The following MGAM variants were observed in gnomAD, a reference collection of about 807,000 sequenced individuals.
The protein encoded by MGAM is maltase-glucoamylase, also known as alpha-1,4-glucosidase.
Under a neutral mutation model 358.8 loss-of-function variants are expected in MGAM, and 253 were observed. That is an observed-to-expected ratio of 0.71 (90% CI 0.64 to 0.78). The LOEUF (loss-of-function observed/expected upper bound fraction) is 0.78. Among genes scored for constraint, MGAM ranks in the 30% least tolerant of loss-of-function variants. MGAM has a pLI of 0.00. For missense variants in MGAM, 3,080 were observed against 3,432.6 expected (o/e 0.90, Z 2.57); for synonymous variants, 1,105 against 1,227.1 (o/e 0.90, Z 2.08).
chr7:142,057,459 C>G lies in MGAM; in HGVS notation c.3693+517C>G, dbSNP rs980364227. The stretch of plus-strand genomic sequence containing the variant: ...ATGGTGGTGGTGGTAGTGGTGGTGA[C>G]AGTGAGGTGGTGTGAGGAGTGTGAT... On this transcript the variant is annotated intron_variant, in intron 30 of 70. Coordinates refer to ENST00000475668, the MANE Select transcript of MGAM (RefSeq NM_001365693.1). Among the ~76,000 whole-genome samples the G allele has an allele frequency of 5.3e-5, 7 of 131,420 alleles. No homozygotes were observed. The South Asian group carries it at 1.9e-3, about 35-fold the overall frequency. The allele number at this position is 131,420 out of a possible 152,430, so 86.2% of individuals were successfully genotyped here. A position where few individuals can be genotyped will look rare whatever the true frequency, so the allele number is the denominator to read the frequency against.
intron 21 of MGAM, among the ~76,000 whole-genome samples, chr7:142,045,460 T>A (rs1457236631): frequency 9.0e-6 from 1 of 111,680 alleles, no homozygotes; most frequent in Non-Finnish European, 1.6e-5. Context: ...TAATACATGA[T>A]ATATTATATA....
At position 142,036,165 on chromosome 7, in the gene MGAM, C is replaced by T. The variant is rs1554465716; in HGVS notation, c.1960-4C>T. ...GTATACCTGTTGTCTGTGTGTCCTT[C>T]CAGGTGGGTCCTGACATATGTGGCT... On this transcript the variant is annotated splice_region_variant and splice_polypyrimidine_tract_variant and intron_variant, in intron 16 of 70. Coordinates refer to ENST00000475668, the MANE Select transcript of MGAM (RefSeq NM_001365693.1). 6.2e-7 allele frequency: 1 copy of T among 1,601,088 alleles called. No individual in the cohort carries two copies. Among genetic ancestry groups the T allele is most frequent in the Non-Finnish European group, 8.5e-7 (1 of 1,171,604 alleles).
chr7:142,012,380 T>C (rs1321722709), intron 3 of MGAM, among the ~76,000 whole-genome samples: 1 of 152,146 alleles, frequency 6.6e-6, no homozygotes, highest in African/African-American at 2.4e-5. Context: ...GACAGCCCAC[T>C]GTCTCCTTTA....
chr7:142,041,937 A>G (rs1410558150), intron 21 of MGAM, among the ~76,000 whole-genome samples: 2 of 60,650 alleles, frequency 3.3e-5, no homozygotes, highest in African/African-American at 2.1e-4. Context: ...TAATATATAT[A>G]TTATATATAT....
chr7:142,048,082 TCTC>T (rs1810558501), intron 22 of MGAM, among the ~76,000 whole-genome samples: 1 of 152,192 alleles, frequency 6.6e-6, no homozygotes, highest in South Asian at 2.1e-4. Context: ...CTCTGGCAAT[TCTC>T]CTATTGGACA....
intron 3 of MGAM, among the ~76,000 whole-genome samples, chr7:142,011,311 T>C (rs571237746): frequency 6.6e-6 from 1 of 152,326 alleles, no homozygotes; most frequent in African/African-American, 2.4e-5. Context: ...ATTATCAATA[T>C]GTTGGGGATC....
intron 24 of MGAM, 85 bp from the exon 25 acceptor site, chr7:142,052,209 T>G (rs970445362): frequency 1.9e-5 from 23 of 1,202,904 alleles, no homozygotes; most frequent in Non-Finnish European, 2.4e-5. Flanking sequence ...AATTTCTATT[T>G]TTTTTTTATC....
In MGAM at chr7:142,011,028, C is replaced by T. The variant is rs115281495; in HGVS notation, c.327+2323C>T. Reference sequence around the variant, plus strand: ...TTTTAAATCCTTTGATTTTTCAGGGCTATAAAGCACTGTGTAAACATGGGA... The same window carrying T: ...TTTTAAATCCTTTGATTTTTCAGGGTTATAAAGCACTGTGTAAACATGGGA... On this transcript the variant is annotated intron_variant, in intron 3 of 70. Transcript: ENST00000475668. Among the ~76,000 whole-genome samples, 842 of 152,184 alleles carry T rather than the reference C, an allele frequency of 5.5e-3. 5 individuals carry two copies. The highest frequency in any genetic ancestry group is 0.013 in the African/African-American group (527 of 41,540).
rs1554461579 is a variant in MGAM, at chr7:142,027,745, G to A, written c.1221+10G>A. On this transcript the variant is annotated intron_variant, in intron 10 of 70. Coordinates refer to ENST00000475668, the MANE Select transcript of MGAM (RefSeq NM_001365693.1). Reference sequence around the variant, plus strand: ...AGCACAGCTCCCTTATGTAAGCAAGGTTTTCAACAGTTCTCCAAAAGTAAA... The same window carrying A: ...AGCACAGCTCCCTTATGTAAGCAAGATTTTCAACAGTTCTCCAAAAGTAAA... 2 of 1,555,956 alleles carry A rather than the reference G, an allele frequency of 1.3e-6. No individual in the cohort carries two copies. The highest frequency in any genetic ancestry group is 2.7e-5 in the African/African-American group (2 of 73,358).
rs184905989 is a variant in MGAM, at chr7:142,097,851, T to C, written c.7749+202T>C. On this transcript the variant is annotated intron_variant, in intron 66 of 70. Transcript: ENST00000475668. ...CTTCCCTCATAGAACTGTTGTGAAA[T>C]GACACATAAAGCATCTCACTCAGGT... Among the ~76,000 whole-genome samples the C allele has an allele frequency of 5.0e-3, 756 of 150,622 alleles. 11 individuals are homozygous for C. The highest frequency in any genetic ancestry group is 0.038 in the Admixed American group (575 of 15,278).
At position 142,034,693 on chromosome 7, in the gene MGAM, A is replaced by G. The variant is rs781927352; in HGVS notation, c.1811A>G (p.Asn604Ser). 5.0e-6 allele frequency: 8 copies of G among 1,613,444 alleles called. No individual in the cohort carries two copies. Among genetic ancestry groups the G allele is most frequent in the East Asian group, 4.5e-5 (2 of 44,824 alleles). The change falls in exon 16 of 71, where the codon AAT (asparagine) becomes AGT (serine). Residue 604 changes from asparagine (N) to serine (S), a missense_variant. Asn to Ser is a conservative substitution (Grantham distance 46). Transcript: ENST00000475668. ...TAEAAKTVFP[N>S]KRSFILTRST... is the part of the protein sequence containing the mutation. ...AGAGCTGCCAAGACTGTGTTCCCTA[A>G]TAAGAGAAGCTTCATTCTGACCCGT...
In MGAM at chr7:142,038,658, T is replaced by C. The variant is rs778048702; in HGVS notation, c.2316+43T>C. 10 of 1,422,444 alleles carry C rather than the reference T, an allele frequency of 7.0e-6. No homozygotes were observed. The Middle Eastern group carries it at 7.2e-4, about 102-fold the overall frequency. 88.1% of individuals were successfully genotyped at this position (1,422,444 alleles called of 1,614,324 possible). On this transcript the variant is annotated intron_variant, in intron 19 of 70. Coordinates refer to ENST00000475668, the MANE Select transcript of MGAM (RefSeq NM_001365693.1). ...GATACACTAGAGATCTCTGCATCTG[T>C]ATCTGCTGCCCTGCAAACTCCTCTC...
chr7:142,033,016 C>T, intron 14 of MGAM, 107 bp downstream of exon 14: 2 of 638,990 alleles, frequency 3.1e-6, no homozygotes, highest in Non-Finnish European at 5.0e-6. Context: ...CATAATTGTG[C>T]ATAGAAAAAG....
At chr7:141,992,158 CACTT>C (rs1338754947), upstream of MGAM, among the ~76,000 whole-genome samples, 14 of 152,204 alleles carry the variant, frequency 9.2e-5, no homozygotes, top group Admixed American at 6.5e-5. Context: ...TTGTAACTGA[CACTT>C]ACTGAGTATT....
chr7:142,099,393 C>T (rs972990251), intron 66 of MGAM, among the ~76,000 whole-genome samples: 3 of 152,160 alleles, frequency 2.0e-5, no homozygotes, highest in Non-Finnish European at 4.4e-5. Flanking sequence ...GTAGTTTGTA[C>T]AGTGGAAGCA....
intron 1 of MGAM, among the ~76,000 whole-genome samples, chr7:142,001,419 G>A (rs989929144): frequency 2.0e-5 from 3 of 152,198 alleles, no homozygotes; most frequent in East Asian, 1.9e-4. Context: ...TTGATTGGGT[G>A]GAGAATGAGA....
In MGAM at chr7:142,022,440, G is replaced by C; in HGVS notation, c.882+1G>C. On this transcript the variant is annotated splice_donor_variant, in intron 7 of 70. Transcript: ENST00000475668. LOFTEE classifies it high-confidence loss of function. ...TAACAGAGACACAACTCCCAATGGA[G>C]TAAGCTTTCAAATGGGCCCCTTTCC... 1 of 1,612,120 alleles carries C rather than the reference G, an allele frequency of 6.2e-7. No homozygotes were observed. The highest frequency in any genetic ancestry group is 8.5e-7 in the Non-Finnish European group (1 of 1,178,872).
chr7:142,081,454 G>A (rs1277154266), intron 50 of MGAM, among the ~76,000 whole-genome samples: 1 of 145,546 alleles, frequency 6.9e-6, no homozygotes, highest in African/African-American at 2.4e-5. Flanking sequence ...CGAAGGGAAA[G>A]AGCATTTCAG....
intron 68 of MGAM, among the ~76,000 whole-genome samples, chr7:142,102,223 A>G (rs1371868649): frequency 2.0e-5 from 3 of 152,194 alleles, no homozygotes; most frequent in African/African-American, 7.2e-5. Flanking sequence ...GCATATGTAT[A>G]TGCATATAAA....
Sources: gnomAD v4.1 joint callset for allele counts (sites outside exome capture counted in the v4.1 genomes callset) on GRCh38, gnomAD v4.1.1 for gene constraint, MANE v1.5 for transcripts, NCBI Gene and HGNC (gene_info 2026-07-23, HGNC 2026-07-21) for gene names.